The following CASZ1 variants were observed in gnomAD, a reference collection of about 807,000 sequenced individuals.
CASZ1 encodes the protein zinc finger protein castor homolog 1.
Under a neutral mutation model 135.2 loss-of-function variants are expected in CASZ1, and 28 were observed. The ratio of observed to expected loss-of-function variants is 0.21; its 90% CI spans 0.15 to 0.28. CASZ1 has a LOEUF of 0.28. Ranked by LOEUF, CASZ1 falls within the 10% of genes least tolerant of loss-of-function variation. The pLI, the probability that CASZ1 is intolerant of heterozygous loss-of-function variation, is 1.00. For synonymous variants in CASZ1, 1,068 were observed against 1,073.4 expected (o/e 0.99, Z 0.10); for missense variants, 2,161 against 2,453.3 (o/e 0.88, Z 2.52).
At position 10,716,604 on chromosome 1, in the gene CASZ1, G is replaced by A. The variant is rs531773927; in HGVS notation, c.-76-11060C>T. 5.1e-4 allele frequency among the ~76,000 whole-genome samples: 78 copies of A among 152,324 alleles called. 1 individual carries two copies. The highest frequency in any genetic ancestry group is 1.7e-3 in the African/African-American group (69 of 41,560). On this transcript the variant is annotated intron_variant, in intron 2 of 20. Transcript: ENST00000377022. ...GCGAGAGCAGCAGAACGAATGCCCC[G>A]GTGCAGAGAGTAAGAAGAGGAAGAA... is the stretch of plus-strand genomic sequence containing the variant.
rs1384518488 is a variant in CASZ1, at chr1:10,697,189, G to A, written c.-23-3277C>T. ...CAGAGAAGGCGGCGGAGGCTTCGAG[G>A]TTGTGGGGTATGAGTCAGAGGCTGT... On this transcript the variant is annotated intron_variant, in intron 3 of 20. Transcript: ENST00000377022. This position sits in a 1 kb window ranked among gnomAD's most constrained non-coding sequence, Gnocchi z 4.7. Among the ~76,000 whole-genome samples the A allele has an allele frequency of 1.3e-5, 2 of 152,222 alleles. No homozygotes were observed. The highest frequency in any genetic ancestry group is 1.9e-4 in the East Asian group (1 of 5,204).
intron 2 of CASZ1, among the ~76,000 whole-genome samples, chr1:10,758,328 CTTT>C (rs756390835): frequency 1.0e-4 from 14 of 134,336 alleles, no homozygotes; most frequent in South Asian, 2.3e-4. Flanking sequence ...CTCTCTCTCT[CTTT>C]TTTTTTTTTT....
At chr1:10,655,082 C>T (rs867066654) in intron 9 of CASZ1, among the ~76,000 whole-genome samples, 1 of 152,094 alleles carries the variant, frequency 6.6e-6, no homozygotes, top group Non-Finnish European at 1.5e-5. Flanking sequence ...AGTAAAAACC[C>T]GTGGAATCCG....
chr1:10,776,771 G>A lies in CASZ1; in HGVS notation c.-233-15914C>T, dbSNP rs1270217349. Reference sequence around the variant, plus strand: ...CCATCCTGAAGTAGGAAGGGGTGACGGCTCTATGGGGGCCAACCCTCTTGC... The same window carrying A: ...CCATCCTGAAGTAGGAAGGGGTGACAGCTCTATGGGGGCCAACCCTCTTGC... On this transcript the variant is annotated intron_variant, in intron 1 of 20. Coordinates refer to ENST00000377022, the MANE Select transcript of CASZ1 (RefSeq NM_001079843.3). This position sits in a 1 kb window ranked among gnomAD's most constrained non-coding sequence, Gnocchi z 4.1. Among the ~76,000 whole-genome samples the A allele has an allele frequency of 1.3e-5, 2 of 152,176 alleles. No individual in the cohort carries two copies. The highest frequency in any genetic ancestry group is 2.4e-5 in the African/African-American group (1 of 41,428).
chr1:10,653,264 G>T, intron 11 of CASZ1, 113 bp downstream of exon 11: 2 of 1,099,568 alleles, frequency 1.8e-6, no homozygotes, highest in Non-Finnish European at 1.4e-6. Context: ...GCAAGCAGGG[G>T]CCACACGGAC....
At position 10,660,438 on chromosome 1, in the gene CASZ1, T is replaced by C. The variant is rs1642981145; in HGVS notation, c.604A>G (p.Arg202Gly). ...DDQNTRDELA[R>G]KISFEKLHAG... ...TGCAGCTTCTCAAAGCTGATCTTCC[T>C]GGCCAGCTCGTCCCGCGTGTTCTGG... The change falls in exon 6 of 21, where the codon AGG becomes GGG. Residue 202 changes from arginine to glycine, a missense_variant. By Grantham distance (125) the Arg-to-Gly change is moderately radical. Transcript: ENST00000377022. 4.3e-6 allele frequency: 7 copies of C among 1,614,188 alleles called. No homozygotes were observed. The highest frequency in any genetic ancestry group is 5.9e-6 in the Non-Finnish European group (7 of 1,180,020).
rs573123801 is a variant in CASZ1, at chr1:10,638,608, C to CG, written c.*333dup. ...CCGTCCCAGTCCTGAGCAATGGTCG[C>CG]GGGGCCGAATCGGCCGCGGGGAGGG... On this transcript the variant is annotated 3_prime_UTR_variant, in exon 21 of 21. Transcript: ENST00000377022. This position sits in a 1 kb window ranked among gnomAD's most constrained non-coding sequence, Gnocchi z 5.9. 1 of 152,432 alleles carries CG rather than the reference C, an allele frequency of 6.6e-6. No individual in the cohort carries two copies. The highest frequency in any genetic ancestry group is 1.5e-5 in the Non-Finnish European group (1 of 68,344). The allele number at this position is 152,432 out of a possible 1,614,324, so 9.4% of individuals were successfully genotyped here.
rs374734504 is a variant in CASZ1 at position 10,665,411 on chromosome 1, C to T, written c.177G>A (p.Ser59=). The T allele has an allele frequency of 1.0e-4, 167 of 1,612,616 alleles. No homozygotes were observed. The African/African-American group carries it at 1.8e-3, about 17-fold the overall frequency. The change falls in exon 5 of 21, where the codon TCG becomes TCA. Residue 59 remains serine, a synonymous_variant. Coordinates refer to ENST00000377022, the MANE Select transcript of CASZ1 (RefSeq NM_001079843.3). The part of the protein sequence containing the change: ...DAGSHTEGSP[S]QPRDQERSGP... ...CACTGCGCTCTTGGTCCCGGGGCTGCGATGGGCTGCCCTCCGTGTGGGAGC... is the reference window on the plus strand; with the variant it reads ...CACTGCGCTCTTGGTCCCGGGGCTGTGATGGGCTGCCCTCCGTGTGGGAGC...
At chr1:10,658,206 C>T in intron 7 of CASZ1, 1 of 377,746 alleles carries the variant, frequency 2.6e-6, no homozygotes, top group East Asian at 4.9e-5. Context: ...GACAGCAGGA[C>T]CCAGGCAAGC....
chr1:10,755,772 C>T lies in CASZ1; in HGVS notation c.-77+4929G>A, dbSNP rs1640241949. ...ACCAACTCCCAGCCACATCTCTGCCCAGCCCAAGGCAACCTTGGGGTCTAC... is the reference window on the plus strand; with the variant it reads ...ACCAACTCCCAGCCACATCTCTGCCTAGCCCAAGGCAACCTTGGGGTCTAC... On this transcript the variant is annotated intron_variant, in intron 2 of 20. Coordinates refer to ENST00000377022, the MANE Select transcript of CASZ1 (RefSeq NM_001079843.3). This position sits in a 1 kb window ranked among gnomAD's most constrained non-coding sequence, Gnocchi z 4.3. Among the ~76,000 whole-genome samples, 1 of 152,116 alleles carries T rather than the reference C, an allele frequency of 6.6e-6. No individual in the cohort carries two copies. Among genetic ancestry groups the T allele is most frequent in the Admixed American group, 6.5e-5 (1 of 15,288 alleles).
chr1:10,636,655 CAAA>C lies in CASZ1; in HGVS notation c.*2284_*2286del, dbSNP rs59054467. 136 of 113,292 alleles carry C rather than the reference CAAA, an allele frequency of 1.2e-3. No individual in the cohort carries two copies. The highest frequency in any genetic ancestry group is 6.0e-3 in the South Asian group (22 of 3,694). The allele number at this position is 113,292 out of a possible 1,614,324, so 7.0% of individuals were successfully genotyped here. A position where few individuals can be genotyped will look rare whatever the true frequency, so the allele number is the denominator to read the frequency against. The stretch of plus-strand genomic sequence containing the variant: ...AATGTCAAACCTTGCATCAGTCATG[CAAA>C]AAAAAAAAAAAAAATCAAATAAATA... On this transcript the variant is annotated 3_prime_UTR_variant, in exon 21 of 21. Transcript: ENST00000377022.
At chr1:10,714,007 G>A (rs1639332530) in intron 2 of CASZ1, among the ~76,000 whole-genome samples, 1 of 152,212 alleles carries the variant, frequency 6.6e-6, no homozygotes, top group African/African-American at 2.4e-5. Context: ...AGAAAATGAA[G>A]GTTAAGAAAC....
chr1:10,709,396 G>A lies in CASZ1; in HGVS notation c.-76-3852C>T, dbSNP rs1324429655. Among the ~76,000 whole-genome samples the A allele has an allele frequency of 1.3e-5, 2 of 152,202 alleles. No homozygotes were observed. The highest frequency in any genetic ancestry group is 4.8e-5 in the African/African-American group (2 of 41,444). Reference sequence around the variant, plus strand: ...AGCCCGGCAGTGTGAGGAGGGGGGCGGCATAGACAACAGGGGCAGCGTCAT... The same window carrying A: ...AGCCCGGCAGTGTGAGGAGGGGGGCAGCATAGACAACAGGGGCAGCGTCAT... On this transcript the variant is annotated intron_variant, in intron 2 of 20. Transcript: ENST00000377022. The surrounding 1 kb of genome is among the most constrained non-coding windows in gnomAD (Gnocchi z 5.1).
intron 1 of CASZ1, among the ~76,000 whole-genome samples, chr1:10,781,633 G>A (rs2100613176): frequency 6.6e-6 from 1 of 152,308 alleles, no homozygotes; most frequent in South Asian, 2.1e-4. Context: ...CTTCAGCCTG[G>A]CCTTGGGGGT....
intron 1 of CASZ1, among the ~76,000 whole-genome samples, chr1:10,786,794 A>G (rs1318467564): frequency 6.6e-6 from 1 of 152,036 alleles, no homozygotes; most frequent in Non-Finnish European, 1.5e-5. Context: ...AGTAAAGCAC[A>G]CCCCATATCC....
At chr1:10,680,884 C>CA (rs1433221338) in intron 4 of CASZ1, among the ~76,000 whole-genome samples, 1 of 152,194 alleles carries the variant, frequency 6.6e-6, no homozygotes, top group East Asian at 1.9e-4. Context: ...GCTGGGGCCT[C>CA]ACCCCCATCT....
At position 10,642,935 on chromosome 1, in the gene CASZ1, G is replaced by C. The variant is rs183558878; in HGVS notation, c.4086C>G (p.Gly1362=). Residue 1362 remains glycine, a synonymous_variant, in exon 20 of 21, where the codon GGC becomes GGG. Transcript: ENST00000377022. ...TGGTGGATGACTCAGAGGACATGGCGCCTGGGCTGCAGCCAGTGTAGTCCA... is the reference window on the plus strand; with the variant it reads ...TGGTGGATGACTCAGAGGACATGGCCCCTGGGCTGCAGCCAGTGTAGTCCA... ...ECMDYTGCSP[G]AMSSESSTMD... 4.0e-5 allele frequency: 64 copies of C among 1,613,020 alleles called. 1 individual carries two copies. The Middle Eastern group carries it at 4.9e-4, about 12-fold the overall frequency.
intron 11 of CASZ1, chr1:10,651,900 A>G (rs890483108): frequency 1.3e-5 from 2 of 152,244 alleles, no homozygotes; most frequent in African/African-American, 4.8e-5. Context: ...TAATGAAAAC[A>G]AAGTACTTGA....
intron 1 of CASZ1, among the ~76,000 whole-genome samples, chr1:10,779,811 C>T (rs964401845): frequency 2.0e-5 from 3 of 152,184 alleles, no homozygotes; most frequent in Admixed American, 6.5e-5. Flanking sequence ...GTATTTATTC[C>T]GTCGTGATAT....
Sources: gnomAD v4.1 joint callset for allele counts (sites outside exome capture counted in the v4.1 genomes callset) on GRCh38, gnomAD v4.1.1 for gene constraint, Gnocchi (gnomAD v3.1) non-coding constraint, MANE v1.5 for transcripts, NCBI Gene and HGNC (gene_info 2026-07-23, HGNC 2026-07-21) for gene names.